Variants in CMPK2 observed in about 807,000 individuals in gnomAD.
The protein encoded by CMPK2 is UMP-CMP kinase 2, mitochondrial.
In CMPK2, 32 loss-of-function variants were observed where a neutral mutation model predicts 33.4. That is an observed-to-expected ratio of 0.96 (90% CI 0.72 to 1.29). The LOEUF (loss-of-function observed/expected upper bound fraction) is 1.29, where lower values mean the gene tolerates loss of function less well. Among genes scored for constraint, CMPK2 ranks in the 50% most tolerant of loss-of-function variants. The pLI is 0.00. For synonymous variants in CMPK2, 299 were observed against 275.3 expected (o/e 1.09, Z -0.85); for missense variants, 672 against 616.0 (o/e 1.09, Z -0.96).
intron 3 of CMPK2, among the ~76,000 whole-genome samples, chr2:6,853,409 A>G (rs902623885): frequency 3.1e-4 from 47 of 152,294 alleles, no homozygotes; most frequent in African/African-American, 1.1e-3. Flanking sequence ...ACATGTAGGT[A>G]AAAGTCATCT....
chr2:6,845,592 T>G (rs1662338859), downstream of CMPK2, among the ~76,000 whole-genome samples: 1 of 152,274 alleles, frequency 6.6e-6, no homozygotes, highest in Non-Finnish European at 1.5e-5. Flanking sequence ...TGCATAAGGC[T>G]CTAGCTTTCT....
intron 3 of CMPK2, chr2:6,840,805 G>T: frequency 6.4e-6 from 4 of 626,270 alleles, no homozygotes; most frequent in Non-Finnish European, 8.6e-6. Context: ...AACTGGGCCA[G>T]GGAGGTTACA....
chr2:6,845,125 GTA>G (rs1028004055), downstream of CMPK2, among the ~76,000 whole-genome samples: 1 of 152,130 alleles, frequency 6.6e-6, no homozygotes, highest in African/African-American at 2.4e-5. Flanking sequence ...AAGAAAGCTT[GTA>G]TATAGTAAAC....
intron 4 of CMPK2, chr2:6,851,116 C>T (rs1211004055): frequency 3.5e-6 from 4 of 1,137,138 alleles, no homozygotes; most frequent in East Asian, 6.0e-5. Context: ...ACTATGAGCT[C>T]GTTATCTAGT....
downstream of CMPK2, among the ~76,000 whole-genome samples, chr2:6,846,293 G>A (rs1662360296): frequency 6.6e-6 from 1 of 152,114 alleles, no homozygotes; most frequent in African/African-American, 2.4e-5. Context: ...ATTATATGGA[G>A]GAAAAAAACA....
At chr2:6,866,305 A>G, upstream of CMPK2, 2 of 447,454 alleles carry the variant, frequency 4.5e-6, no homozygotes, top group South Asian at 1.7e-4. Context: ...CCGCCCCTCT[A>G]ATCCTGCAGA....
chr2:6,862,970 A>G (rs976012846), intron 2 of CMPK2, among the ~76,000 whole-genome samples: 1 of 152,174 alleles, frequency 6.6e-6, no homozygotes, highest in East Asian at 1.9e-4. Context: ...CCTCAGTTTG[A>G]CAGCTCAGAA....
At chr2:6,854,560 T>C (rs967809594) in intron 3 of CMPK2, among the ~76,000 whole-genome samples, 3 of 152,182 alleles carry the variant, frequency 2.0e-5, no homozygotes, top group African/African-American at 7.2e-5. Context: ...AGGGAAGAAT[T>C]AAGGACCTGT....
intron 4 of CMPK2, 200 bp downstream of exon 4, chr2:6,851,250 C>T: frequency 3.6e-6 from 5 of 1,400,522 alleles, no homozygotes; most frequent in Non-Finnish European, 4.7e-6. Flanking sequence ...AGTCCGATGA[C>T]CTTTGCTTTA....
intron 4 of CMPK2, 142 bp downstream of exon 4, chr2:6,851,308 T>G: frequency 2.7e-6 from 4 of 1,486,478 alleles, no homozygotes; most frequent in Non-Finnish European, 3.6e-6. Context: ...TGGAAGGGGC[T>G]GAAGTAACTT....
chr2:6,861,127 C>CA (rs1342839237), intron 3 of CMPK2, 57 bp downstream of exon 3: 2,998 of 18,590 alleles, frequency 0.16, 107 homozygotes, highest in African/African-American at 0.27. Flanking sequence ...CACACACACA[C>CA]CCACACACTT....
At chr2:6,859,107 C>A (rs558146131) in intron 3 of CMPK2, among the ~76,000 whole-genome samples, 1 of 152,162 alleles carries the variant, frequency 6.6e-6, no homozygotes, top group African/African-American at 2.4e-5. Flanking sequence ...TTAGCCCTTG[C>A]CCTAGAGATT....
chr2:6,860,415 G>A (rs1340522658), intron 3 of CMPK2, among the ~76,000 whole-genome samples: 1 of 152,188 alleles, frequency 6.6e-6, no homozygotes, highest in Admixed American at 6.5e-5. Flanking sequence ...GAATTCCCAT[G>A]TGTTGTGGGA....
rs921538178 is a variant in CMPK2 at position 6,861,390 on chromosome 2, A to C, written c.791-5T>G. The C allele has an allele frequency of 6.8e-6, 11 of 1,612,518 alleles. No individual in the cohort carries two copies. Among genetic ancestry groups the C allele is most frequent in the Non-Finnish European group, 8.5e-6 (10 of 1,178,662 alleles). ...ACTGGGTCACCGTGGTTTTACCTGC[A>C]GGTCATACACAAAATATATACATCT... On this transcript the variant is annotated splice_polypyrimidine_tract_variant and splice_region_variant and intron_variant, in intron 2 of 4. Coordinates refer to ENST00000256722, the MANE Select transcript of CMPK2 (RefSeq NM_207315.4).
Position 6,862,544 on chromosome 2 carries a change from A to G in CMPK2, c.790+920T>C, listed in dbSNP as rs77800260. Among the ~76,000 whole-genome samples the G allele has an allele frequency of 1.0e-2, 1,520 of 152,342 alleles. 16 individuals carry two copies. Among genetic ancestry groups the G allele is most frequent in the African/African-American group, 0.035 (1,457 of 41,570 alleles). ...TAAATTAGCTGTGGGTACAAAATAA[A>G]TGATCAACAAAACACATCAGCTGAA... On this transcript the variant is annotated intron_variant, in intron 2 of 4. Transcript: ENST00000256722.
At position 6,848,672 on chromosome 2, in the gene CMPK2, T is replaced by A; in HGVS notation, c.*1178A>T. The A allele has an allele frequency of 1.0e-6, 1 of 981,164 alleles. No individual in the cohort carries two copies. The highest frequency in any genetic ancestry group is 4.7e-5 in the South Asian group (1 of 21,196). The allele number at this position is 981,164 out of a possible 1,614,324, so 60.8% of individuals were successfully genotyped here. A position where few individuals can be genotyped will look rare whatever the true frequency, so the allele number is the denominator to read the frequency against. ...GGAGTAATGTCTTCTTAAGAAATGG[T>A]AGATAGGATAAAATAATTTACAGAT... On this transcript the variant is annotated 3_prime_UTR_variant, in exon 5 of 5. Coordinates refer to ENST00000256722, the MANE Select transcript of CMPK2 (RefSeq NM_207315.4).
chr2:6,845,874 G>A (rs1001279626), downstream of CMPK2, among the ~76,000 whole-genome samples: 1 of 152,188 alleles, frequency 6.6e-6, no homozygotes, highest in African/African-American at 2.4e-5. Flanking sequence ...CATAAGAATT[G>A]AATGGCTGCC....
chr2:6,851,078 C>T (rs1049144424), intron 4 of CMPK2: 14 of 1,080,142 alleles, frequency 1.3e-5, no homozygotes, highest in Non-Finnish European at 1.6e-5. Context: ...ATGCCTGACA[C>T]ACGGGAAGCA....
downstream of CMPK2, among the ~76,000 whole-genome samples, chr2:6,846,552 T>C (rs1291747918): frequency 1.3e-5 from 2 of 152,150 alleles, no homozygotes; most frequent in Non-Finnish European, 2.9e-5. Context: ...CAACATTGCA[T>C]AGAAAGAAGA....
Sources: gnomAD v4.1 joint callset for allele counts (sites outside exome capture counted in the v4.1 genomes callset) on GRCh38, gnomAD v4.1.1 for gene constraint, MANE v1.5 for transcripts, NCBI Gene and HGNC (gene_info 2026-07-23, HGNC 2026-07-21) for gene names.